The following GLS variants were observed in gnomAD, a reference collection of about 807,000 sequenced individuals.
GLS encodes the protein glutaminase, also known as glutaminase kidney isoform, mitochondrial.
In GLS, 36 loss-of-function variants were observed where a neutral mutation model predicts 86.7. The ratio of observed to expected loss-of-function variants is 0.42; its 90% CI spans 0.32 to 0.55. GLS has a LOEUF of 0.55. Ranked by LOEUF, GLS falls within the 20% of genes least tolerant of loss-of-function variation. GLS has a pLI of 0.17. For missense variants in GLS, 528 were observed against 833.4 expected (o/e 0.63, Z 4.51); for synonymous variants, 317 against 305.9 (o/e 1.04, Z -0.38).
intron 17 of GLS, among the ~76,000 whole-genome samples, chr2:190,959,243 CT>C (rs56693446): frequency 0.11 from 14,999 of 135,434 alleles, 1,247 homozygotes; most frequent in Admixed American, 0.29. Context: ...GCAACCCCTG[CT>C]TTTTTTTTTT....
intron 14 of GLS, among the ~76,000 whole-genome samples, chr2:190,945,186 A>G (rs1417167627): frequency 6.6e-6 from 1 of 152,200 alleles, no homozygotes; most frequent in East Asian, 1.9e-4. Flanking sequence ...GTCCTTTAAT[A>G]ACAGAAATAA....
intron 6 of GLS, among the ~76,000 whole-genome samples, chr2:190,906,113 C>T (rs1009251336): frequency 5.3e-5 from 8 of 151,990 alleles, no homozygotes; most frequent in African/African-American, 1.5e-4. Flanking sequence ...TCTGATGCTA[C>T]GTTTGGTTTT....
intron 1 of GLS, among the ~76,000 whole-genome samples, chr2:190,892,133 A>G (rs1688584715): frequency 6.6e-6 from 1 of 152,208 alleles, no homozygotes; most frequent in Admixed American, 6.5e-5. Context: ...GATGTCATAC[A>G]TGGCATGGGA....
At chr2:190,910,055 T>C (rs1469585007) in intron 6 of GLS, among the ~76,000 whole-genome samples, 1 of 152,122 alleles carries the variant, frequency 6.6e-6, no homozygotes, top group Non-Finnish European at 1.5e-5. Context: ...AAAAATCCCT[T>C]ATAATTTTAT....
Position 190,953,659 on chromosome 2 carries a change from A to G in GLS, c.1712+33A>G, listed in dbSNP as rs1471973814. On this transcript the variant is annotated intron_variant, in intron 15 of 17. Transcript: ENST00000320717. This position sits in a 1 kb window ranked among gnomAD's most constrained non-coding sequence, Gnocchi z 4.0. ...TACAGGATGGATTAGCATGCACTTT[A>G]CAGATATTTATGAAGTTGCTTCTGG... 7.1e-7 allele frequency: 1 copy of G among 1,416,232 alleles called. No individual in the cohort carries two copies. The highest frequency in any genetic ancestry group is 1.0e-6 in the Non-Finnish European group (1 of 1,002,374). 87.7% of individuals were successfully genotyped at this position (1,416,232 alleles called of 1,614,324 possible). A position where few individuals can be genotyped will look rare whatever the true frequency, so the allele number is the denominator to read the frequency against.
Position 190,955,573 on chromosome 2 carries a change from G to A in GLS, c.1853+755G>A, listed in dbSNP as rs941614574. Among the ~76,000 whole-genome samples, 1 of 152,218 alleles carries A rather than the reference G, an allele frequency of 6.6e-6. No individual in the cohort carries two copies. The highest frequency in any genetic ancestry group is 2.4e-5 in the African/African-American group (1 of 41,458). ...TTCCAAGTCTTTTCTATTGTGAACA[G>A]TGCCACAATAAACATACATGTGCAT... On this transcript the variant is annotated intron_variant, in intron 17 of 17. Transcript: ENST00000320717. This position sits in a 1 kb window ranked among gnomAD's most constrained non-coding sequence, Gnocchi z 5.6.
intron 12 of GLS, among the ~76,000 whole-genome samples, chr2:190,929,970 C>T (rs189069845): frequency 8.5e-5 from 13 of 152,072 alleles, no homozygotes; most frequent in East Asian, 3.9e-4. Context: ...CTCAGCCTCC[C>T]GAGTAGTTGG....
At position 190,963,078 on chromosome 2, in the gene GLS, A is replaced by C; in HGVS notation, c.*92A>C. On this transcript the variant is annotated 3_prime_UTR_variant, in exon 18 of 18. Coordinates refer to ENST00000320717, the MANE Select transcript of GLS (RefSeq NM_014905.5). The stretch of plus-strand genomic sequence containing the variant: ...GTGTATTTCTATCTGGTAGTGATGT[A>C]TATTTTACATTTGTCATTTCAGTGT... 1 of 882,650 alleles carries C rather than the reference A, an allele frequency of 1.1e-6. No homozygotes were observed. Among genetic ancestry groups the C allele is most frequent in the Non-Finnish European group, 1.7e-6 (1 of 587,288 alleles). The allele number at this position is 882,650 out of a possible 1,614,324, so 54.7% of individuals were successfully genotyped here.
At chr2:190,936,542 T>C (rs1188215152) in intron 14 of GLS, among the ~76,000 whole-genome samples, 1 of 151,044 alleles carries the variant, frequency 6.6e-6, no homozygotes, top group East Asian at 1.9e-4. Flanking sequence ...ATTGGTAAAG[T>C]ATAACATACT....
At chr2:190,902,447 G>C (rs1288877708) in intron 5 of GLS, among the ~76,000 whole-genome samples, 3 of 152,174 alleles carry the variant, frequency 2.0e-5, no homozygotes, top group Non-Finnish European at 4.4e-5. Context: ...AATTAAGACA[G>C]TGCAACATAA....
At position 190,949,286 on chromosome 2, in the gene GLS, G is replaced by T. The variant is rs1248782972; in HGVS notation, c.1651-4279G>T. Among the ~76,000 whole-genome samples, 2 of 152,190 alleles carry T rather than the reference G, an allele frequency of 1.3e-5. No individual in the cohort carries two copies. Among genetic ancestry groups the T allele is most frequent in the East Asian group, 3.9e-4 (2 of 5,194 alleles). ...CCTGTAGTGATTAGAGCAATGTTTT[G>T]AGAATATGATTAGAAGTATGTGGAG... On this transcript the variant is annotated intron_variant, in intron 14 of 17. Transcript: ENST00000320717. This position sits in a 1 kb window ranked among gnomAD's most constrained non-coding sequence, Gnocchi z 4.0.
Position 190,893,442 on chromosome 2 carries a change from A to G in GLS, c.387-1710A>G, listed in dbSNP as rs79378265. Among the ~76,000 whole-genome samples, 125 of 152,362 alleles carry G rather than the reference A, an allele frequency of 8.2e-4. 3 individuals carry two copies. In the East Asian group the frequency reaches 0.022, roughly 26 times the overall value. On this transcript the variant is annotated intron_variant, in intron 1 of 17. Coordinates refer to ENST00000320717, the MANE Select transcript of GLS (RefSeq NM_014905.5). ...GTTGAGCTTCTAAGTATGTACCAGA[A>G]ATCATACTATGTTTTGGATAACAGT...
chr2:190,923,334 C>T (rs1689806644), intron 9 of GLS, among the ~76,000 whole-genome samples: 1 of 152,204 alleles, frequency 6.6e-6, no homozygotes, highest in South Asian at 2.1e-4. Context: ...TCCCACTCCT[C>T]TCCATGTGCC....
At chr2:190,922,442 C>G (rs150255464) in intron 9 of GLS, among the ~76,000 whole-genome samples, 6 of 152,196 alleles carry the variant, frequency 3.9e-5, no homozygotes, top group African/African-American at 1.2e-4. Flanking sequence ...AGGAAGTATT[C>G]CATGAATCTC....
intron 7 of GLS, among the ~76,000 whole-genome samples, chr2:190,915,131 C>T (rs913560646): frequency 4.0e-4 from 61 of 150,916 alleles, no homozygotes; most frequent in Non-Finnish European, 6.7e-4. Context: ...GCTGGGACTA[C>T]AGGCGCCCGC....
intron 6 of GLS, among the ~76,000 whole-genome samples, chr2:190,906,719 A>G (rs1463499074): frequency 6.6e-6 from 1 of 152,196 alleles, no homozygotes; most frequent in African/African-American, 2.4e-5. Context: ...AGTTTAGCCC[A>G]GCAAAAACAA....
At position 190,913,765 on chromosome 2, in the gene GLS, T is replaced by A; in HGVS notation, c.1038+3444T>A. The A allele has an allele frequency of 1.0e-6, 1 of 976,672 alleles. No individual in the cohort carries two copies. Among genetic ancestry groups the A allele is most frequent in the South Asian group, 4.7e-5 (1 of 21,108 alleles). 60.5% of individuals were successfully genotyped at this position (976,672 alleles called of 1,614,324 possible). A position where few individuals can be genotyped will look rare whatever the true frequency, so the allele number is the denominator to read the frequency against. ...TTTTTCATGTTAGAAATAGTAAAAGTTACACTGTCTTCTATGTTTTTACCT... is the reference window on the plus strand; with the variant it reads ...TTTTTCATGTTAGAAATAGTAAAAGATACACTGTCTTCTATGTTTTTACCT... On this transcript the variant is annotated intron_variant, in intron 7 of 17. Coordinates refer to ENST00000320717, the MANE Select transcript of GLS (RefSeq NM_014905.5). This position sits in a 1 kb window ranked among gnomAD's most constrained non-coding sequence, Gnocchi z 6.1.
At chr2:190,925,461 A>G (rs1044076819) in intron 11 of GLS, among the ~76,000 whole-genome samples, 5 of 152,210 alleles carry the variant, frequency 3.3e-5, no homozygotes. Context: ...ATAGAACTCA[A>G]TTTAGAATAG....
At chr2:190,934,398 A>G in intron 14 of GLS, 6 of 950,378 alleles carry the variant, frequency 6.3e-6, no homozygotes, top group Non-Finnish European at 7.5e-6. Context: ...TTAAATTTAT[A>G]TATTTAAATA....
Sources: allele counts gnomAD v4.1 joint callset (sites outside exome capture counted in the v4.1 genomes callset), GRCh38; gene constraint gnomAD v4.1.1; non-coding constraint Gnocchi (gnomAD v3.1); transcripts MANE v1.5; gene names NCBI Gene and HGNC (gene_info 2026-07-23, HGNC 2026-07-21).